Variants in NEK11 observed in about 807,000 individuals in gnomAD.
NEK11 encodes the protein serine/threonine-protein kinase Nek11.
Under a neutral mutation model 80.7 loss-of-function variants are expected in NEK11, and 72 were observed. The ratio of observed to expected loss-of-function variants is 0.89; its 90% CI spans 0.74 to 1.08. The LOEUF is 1.08. NEK11 is among the 50% of genes least tolerant of loss of function. NEK11 has a pLI of 0.00. For missense variants in NEK11, 764 were observed against 763.6 expected, an observed-to-expected ratio of 1.00 and a Z score of -0.01; for synonymous variants, 251 against 260.7, an observed-to-expected ratio of 0.96 and a Z score of 0.36.
chr3:131,287,128 G>A (rs2096482627), intron 17 of NEK11, among the ~76,000 whole-genome samples: 1 of 152,196 alleles, frequency 6.6e-6, no homozygotes, highest in African/African-American at 2.4e-5. Flanking sequence ...TAATCTCATA[G>A]GAGCAGGCAT....
intron 14 of NEK11, among the ~76,000 whole-genome samples, chr3:131,209,315 A>C (rs2094538983): frequency 6.6e-6 from 1 of 152,220 alleles, no homozygotes; most frequent in African/African-American, 2.4e-5. Context: ...CTTGCATCCC[A>C]GGGATGAAGC....
intron 3 of NEK11, among the ~76,000 whole-genome samples, chr3:131,057,952 A>T (rs2069935570): frequency 6.6e-6 from 1 of 152,166 alleles, no homozygotes; most frequent in Admixed American, 6.5e-5. Context: ...TTTAGACATG[A>T]AGTCCTTGCC....
chr3:131,050,900 C>T (rs1411089141), intron 3 of NEK11, among the ~76,000 whole-genome samples: 2 of 152,088 alleles, frequency 1.3e-5, no homozygotes, highest in African/African-American at 4.8e-5. Flanking sequence ...GTGGCGCATG[C>T]CTGCAGTCTG....
At chr3:131,191,754 A>C (rs996388373) in intron 14 of NEK11, among the ~76,000 whole-genome samples, 1 of 152,094 alleles carries the variant, frequency 6.6e-6, no homozygotes, top group African/African-American at 2.4e-5. Context: ...AAATGATATT[A>C]GGAAGACTGG....
chr3:131,228,700 TC>T lies in NEK11; in HGVS notation c.1560+15del. 5 of 1,609,464 alleles carry T rather than the reference TC, an allele frequency of 3.1e-6. No homozygotes were observed. The highest frequency in any genetic ancestry group is 2.5e-6 in the Non-Finnish European group (3 of 1,177,564). Reference sequence around the variant, plus strand: ...GAACAAACCAACAGGTATGTAATGCTCCCTGTCGGAAGCCATGGAACTGTTC... The same window carrying T: ...GAACAAACCAACAGGTATGTAATGCTCCTGTCGGAAGCCATGGAACTGTTC... On this transcript the variant is annotated intron_variant, in intron 15 of 17. Coordinates refer to ENST00000383366, the MANE Select transcript of NEK11 (RefSeq NM_024800.5).
At chr3:131,110,531 T>C (rs2079938453) in intron 5 of NEK11, among the ~76,000 whole-genome samples, 1 of 152,184 alleles carries the variant, frequency 6.6e-6, no homozygotes, top group African/African-American at 2.4e-5. Flanking sequence ...TTTTAATGAA[T>C]TTTTATAGGT....
At chr3:131,106,450 CTTAAG>C (rs1209010585) in intron 4 of NEK11, among the ~76,000 whole-genome samples, 3 of 152,070 alleles carry the variant, frequency 2.0e-5, no homozygotes, top group African/African-American at 7.2e-5. Flanking sequence ...TAGCCATCAC[CTTAAG>C]TTATTTTTCT....
chr3:131,132,666 A>C, intron 5 of NEK11, 79 bp from the exon 6 acceptor site: 3 of 727,958 alleles, frequency 4.1e-6, no homozygotes, highest in Non-Finnish European at 6.9e-6. Context: ...AATCATGTGC[A>C]ACAACATATA....
At chr3:131,194,529 A>G (rs910935155) in intron 14 of NEK11, among the ~76,000 whole-genome samples, 1 of 151,980 alleles carries the variant, frequency 6.6e-6, no homozygotes, top group African/African-American at 2.4e-5. Flanking sequence ...TCTCTTCCCC[A>G]CTGTTCAAAA....
intron 4 of NEK11, among the ~76,000 whole-genome samples, chr3:131,095,451 A>G (rs949252632): frequency 2.0e-5 from 3 of 152,160 alleles, no homozygotes; most frequent in African/African-American, 7.2e-5. Context: ...GCAAGACTTT[A>G]AATGATAATG....
At chr3:131,040,803 A>AT (rs764408429) in intron 3 of NEK11, among the ~76,000 whole-genome samples, 20 of 152,204 alleles carry the variant, frequency 1.3e-4, no homozygotes, top group Non-Finnish European at 2.6e-4. Flanking sequence ...GGAACATTGA[A>AT]TTTCTGATTA....
intron 4 of NEK11, among the ~76,000 whole-genome samples, chr3:131,094,391 C>T (rs2077142675): frequency 6.6e-6 from 1 of 152,030 alleles, no homozygotes; most frequent in Non-Finnish European, 1.5e-5. Flanking sequence ...ATTATTAGGG[C>T]CATACACCTT....
intron 5 of NEK11, among the ~76,000 whole-genome samples, chr3:131,115,034 G>A (rs1291061526): frequency 2.6e-5 from 4 of 152,134 alleles, no homozygotes; most frequent in Non-Finnish European, 4.4e-5. Context: ...TTGTTTACAG[G>A]TGTGTCTTTG....
intron 3 of NEK11, among the ~76,000 whole-genome samples, chr3:131,055,168 G>A (rs369007847): frequency 7.9e-5 from 12 of 152,182 alleles, no homozygotes; most frequent in African/African-American, 2.9e-4. Flanking sequence ...AAAAAATAGA[G>A]ACGCGGTTTA....
intron 4 of NEK11, among the ~76,000 whole-genome samples, chr3:131,096,286 C>A (rs1417228374): frequency 6.6e-6 from 1 of 151,970 alleles, no homozygotes; most frequent in African/African-American, 2.4e-5. Flanking sequence ...ATTTGGTTTT[C>A]TGTTCCTGTA....
In NEK11 at chr3:131,255,050, G is replaced by GAGACAGACAGACAGAC. The variant is rs59934459; in HGVS notation, c.1621+11562_1621+11577dup. Among the ~76,000 whole-genome samples, 169 of 132,710 alleles carry GAGACAGACAGACAGAC rather than the reference G, an allele frequency of 1.3e-3. 4 individuals are homozygous for GAGACAGACAGACAGAC. In the East Asian group the frequency reaches 0.027, roughly 21 times the overall value. The allele number at this position is 132,710 out of a possible 152,430, so 87.1% of individuals were successfully genotyped here. A position where few individuals can be genotyped will look rare whatever the true frequency, so the allele number is the denominator to read the frequency against. On this transcript the variant is annotated intron_variant, in intron 16 of 17. Coordinates refer to ENST00000383366, the MANE Select transcript of NEK11 (RefSeq NM_024800.5). The stretch of plus-strand genomic sequence containing the variant: ...AGAAAGAAAGAGAGAGAGAGAGAGA[G>GAGACAGACAGACAGAC]AGACAGACAGACAGACAGACAGAAA...
At chr3:131,089,490 G>A (rs2076435714) in intron 4 of NEK11, among the ~76,000 whole-genome samples, 1 of 152,110 alleles carries the variant, frequency 6.6e-6, no homozygotes. Context: ...CCAGTCTTGA[G>A]GGCAGTGATG....
Position 131,162,541 on chromosome 3 carries a change from C to T in NEK11, c.1082+14C>T. The stretch of plus-strand genomic sequence containing the variant: ...CAGGAAGCTGAAGTAAGCTGCTTTT[C>T]CTTTAGGCACTCATGCTCGGGACTA... On this transcript the variant is annotated intron_variant, in intron 11 of 17. Transcript: ENST00000383366. 4 of 1,613,640 alleles carry T rather than the reference C, an allele frequency of 2.5e-6. No homozygotes were observed. The highest frequency in any genetic ancestry group is 3.4e-6 in the Non-Finnish European group (4 of 1,179,796).
chr3:131,306,398 T>G (rs1240580079), intron 17 of NEK11, among the ~76,000 whole-genome samples: 1 of 152,190 alleles, frequency 6.6e-6, no homozygotes, highest in Non-Finnish European at 1.5e-5. Flanking sequence ...ATAAGTTCTC[T>G]GCTTTTAAAT....
Sources: gnomAD v4.1 joint callset for allele counts (sites outside exome capture counted in the v4.1 genomes callset) on GRCh38, gnomAD v4.1.1 for gene constraint, MANE v1.5 for transcripts, NCBI Gene and HGNC (gene_info 2026-07-23, HGNC 2026-07-21) for gene names.